Variants in KIAA1549 observed in about 807,000 individuals in gnomAD.
KIAA1549 encodes the protein UPF0606 protein KIAA1549.
Under a neutral mutation model 156.4 loss-of-function variants are expected in KIAA1549, and 70 were observed. That is an observed-to-expected ratio of 0.45 (90% CI 0.37 to 0.55). The LOEUF (loss-of-function observed/expected upper bound fraction) is 0.55, where lower values mean the gene tolerates loss of function less well. Among genes scored for constraint, KIAA1549 ranks in the 20% least tolerant of loss-of-function variants. KIAA1549 has a pLI of 0.00. For missense variants in KIAA1549, 2,428 were observed against 2,540.9 expected, an observed-to-expected ratio of 0.96 and a Z score of 0.96; for synonymous variants, 1,103 against 1,066.4, an observed-to-expected ratio of 1.03 and a Z score of -0.67.
intron 1 of KIAA1549, among the ~76,000 whole-genome samples, chr7:138,926,116 T>C (rs1224826949): frequency 6.6e-6 from 1 of 152,132 alleles, no homozygotes; most frequent in African/African-American, 2.4e-5. Flanking sequence ...CTTTGCTAAA[T>C]TGTGGAGTTT....
intron 9 of KIAA1549, among the ~76,000 whole-genome samples, chr7:138,894,888 A>G (rs922959542): frequency 6.6e-6 from 1 of 151,304 alleles, no homozygotes; most frequent in African/African-American, 2.5e-5. Context: ...AACTTTGTAC[A>G]AAGGCAGTTC....
intron 10 of KIAA1549, among the ~76,000 whole-genome samples, chr7:138,888,185 G>A (rs916028990): frequency 6.6e-6 from 1 of 152,308 alleles, no homozygotes; most frequent in East Asian, 1.9e-4. Context: ...CCTTGTCCAC[G>A]GGGACTCAGT....
intron 1 of KIAA1549, among the ~76,000 whole-genome samples, chr7:138,960,672 C>G (rs1231003339): frequency 6.6e-6 from 1 of 152,176 alleles, no homozygotes; most frequent in Non-Finnish European, 1.5e-5. Context: ...AGGGCTGAAC[C>G]TCCCAGACAC....
At chr7:138,927,769 T>C (rs1285308019) in intron 1 of KIAA1549, among the ~76,000 whole-genome samples, 1 of 152,250 alleles carries the variant, frequency 6.6e-6, no homozygotes, top group Non-Finnish European at 1.5e-5. Context: ...CCGCAAATCC[T>C]CACTATGACT....
intron 16 of KIAA1549, among the ~76,000 whole-genome samples, chr7:138,856,835 T>C (rs1810407943): frequency 6.6e-6 from 1 of 152,174 alleles, no homozygotes; most frequent in African/African-American, 2.4e-5. Flanking sequence ...TATTTCTGGG[T>C]GTGTCTGTGA....
intron 1 of KIAA1549, among the ~76,000 whole-genome samples, chr7:138,924,436 G>A (rs917038186): frequency 3.9e-5 from 6 of 152,010 alleles, no homozygotes; most frequent in African/African-American, 7.3e-5. Context: ...GAAGTGAACC[G>A]GAAGACTGCA....
intron 19 of KIAA1549, 150 bp downstream of exon 19, chr7:138,839,983 G>C: frequency 1.7e-6 from 1 of 592,874 alleles, no homozygotes; most frequent in Non-Finnish European, 2.7e-6. Context: ...GTAGAGACGG[G>C]ATTTCACTAC....
intron 16 of KIAA1549, among the ~76,000 whole-genome samples, chr7:138,853,178 A>G (rs1244213959): frequency 6.6e-6 from 1 of 152,214 alleles, no homozygotes; most frequent in Non-Finnish European, 1.5e-5. Flanking sequence ...GTTGGAACCA[A>G]TGGTTTGTCT....
At chr7:138,934,980 A>C (rs1431519802) in intron 1 of KIAA1549, among the ~76,000 whole-genome samples, 1 of 152,202 alleles carries the variant, frequency 6.6e-6, no homozygotes, top group Non-Finnish European at 1.5e-5. Flanking sequence ...ATTCCACAGA[A>C]AACAGAACTG....
intron 1 of KIAA1549, among the ~76,000 whole-genome samples, chr7:138,960,326 T>C (rs1449978625): frequency 5.9e-5 from 9 of 151,846 alleles, no homozygotes; most frequent in African/African-American, 1.9e-4. Context: ...TTTATTTATT[T>C]TGAGATGGTG....
At chr7:138,940,477 G>A (rs965298383) in intron 1 of KIAA1549, among the ~76,000 whole-genome samples, 13 of 150,796 alleles carry the variant, frequency 8.6e-5, no homozygotes, top group South Asian at 2.2e-4. Context: ...ATAAACATAC[G>A]TGTGCATGTG....
rs957090415 is a variant in KIAA1549, at chr7:138,915,383, C to T, written c.2878+1365G>A. On this transcript the variant is annotated intron_variant, in intron 2 of 19. Transcript: ENST00000422774. ...TATCCCTAGAAGCTTCCAGAAGCAC[C>T]TCACACATACTAGGTGCTCAATCAT... Among the ~76,000 whole-genome samples, 16 of 152,174 alleles carry T rather than the reference C, an allele frequency of 1.1e-4. No individual in the cohort carries two copies. The South Asian group carries it at 3.3e-3, about 32-fold the overall frequency.
intron 4 of KIAA1549, among the ~76,000 whole-genome samples, chr7:138,910,890 C>T (rs560246951): frequency 1.3e-5 from 2 of 151,624 alleles, no homozygotes; most frequent in Admixed American, 6.6e-5. Flanking sequence ...AAATTAGCCA[C>T]GCATGGTGGT....
intron 1 of KIAA1549, 116 bp downstream of exon 1, chr7:138,980,967 G>A (rs966409650): frequency 4.2e-5 from 40 of 951,590 alleles, no homozygotes; most frequent in Middle Eastern, 3.7e-4. Context: ...CAGAAAGGAC[G>A]GCGAGGGAGC....
In KIAA1549 at chr7:138,894,527, C is replaced by T; in HGVS notation, c.3848-1G>A. ...GACGGCCTCTTCACCCTGTCGACAG[C>T]TGCAGACAAGGAAGAAAGGTCTTTC... On this transcript the variant is annotated splice_acceptor_variant, in intron 9 of 19. Transcript: ENST00000422774. LOFTEE classifies it high-confidence loss of function. 1 of 1,613,906 alleles carries T rather than the reference C, an allele frequency of 6.2e-7. No homozygotes were observed.
At position 138,971,055 on chromosome 7, in the gene KIAA1549, G is replaced by A. The variant is rs142737339; in HGVS notation, c.187+10028C>T. Among the ~76,000 whole-genome samples the A allele has an allele frequency of 7.7e-4, 117 of 152,206 alleles. 2 individuals are homozygous for A. The East Asian group carries it at 0.015, about 20-fold the overall frequency. On this transcript the variant is annotated intron_variant, in intron 1 of 19. Coordinates refer to ENST00000422774, the MANE Select transcript of KIAA1549 (RefSeq NM_001164665.2). The stretch of plus-strand genomic sequence containing the variant: ...GAGCCCTCCCAGCTGCCCTGCCCTC[G>A]ACACAACACCCCAGGACCGCTGTGG...
intron 1 of KIAA1549, among the ~76,000 whole-genome samples, chr7:138,927,299 A>G (rs1347265988): frequency 6.6e-6 from 1 of 152,224 alleles, no homozygotes; most frequent in Non-Finnish European, 1.5e-5. Context: ...GCACATATTT[A>G]AAGTGTGTGT....
intron 12 of KIAA1549, among the ~76,000 whole-genome samples, chr7:138,872,407 A>G (rs1434992579): frequency 6.6e-6 from 1 of 152,124 alleles, no homozygotes; most frequent in Non-Finnish European, 1.5e-5. Flanking sequence ...AAGACAGAAA[A>G]GAAACACTTA....
At chr7:138,899,812 G>A (rs1419594753) in intron 8 of KIAA1549, among the ~76,000 whole-genome samples, 1 of 152,134 alleles carries the variant, frequency 6.6e-6, no homozygotes, top group African/African-American at 2.4e-5. Flanking sequence ...TCATAATCTT[G>A]TGGGTCAAAT....
Sources: allele counts gnomAD v4.1 joint callset (sites outside exome capture counted in the v4.1 genomes callset), GRCh38; gene constraint gnomAD v4.1.1; transcripts MANE v1.5; gene names NCBI Gene and HGNC (gene_info 2026-07-23, HGNC 2026-07-21).